Variants in PCLO observed in about 807,000 individuals in gnomAD.
PCLO encodes protein piccolo.
In PCLO, 82 loss-of-function variants were observed where a neutral mutation model predicts 427.5. The observed-to-expected ratio is 0.19, with a 90% CI of 0.16 to 0.23. The LOEUF (loss-of-function observed/expected upper bound fraction) is 0.23. PCLO is among the 10% of genes least tolerant of loss of function. The probability of loss-of-function intolerance (pLI) is 1.00; values close to 1 mark genes in which losing one functional copy is unlikely to be tolerated. For missense variants in PCLO, 6,239 were observed against 6,115.9 expected (o/e 1.02, Z -0.67); for synonymous variants, 2,357 against 2,155.4 (o/e 1.09, Z -2.59).
At chr7:82,958,742 T>C (rs1795589561) in intron 4 of PCLO, among the ~76,000 whole-genome samples, 1 of 152,194 alleles carries the variant, frequency 6.6e-6, no homozygotes, top group Non-Finnish European at 1.5e-5. Flanking sequence ...AGCACTTCAC[T>C]CATTTCAGCT....
chr7:82,946,058 T>A (rs964490497), intron 6 of PCLO, among the ~76,000 whole-genome samples: 1 of 152,214 alleles, frequency 6.6e-6, no homozygotes, highest in African/African-American at 2.4e-5. Flanking sequence ...GGCTTGCTAG[T>A]AGCTAAACAC....
At chr7:82,793,530 A>G (rs1470324796) in intron 22 of PCLO, among the ~76,000 whole-genome samples, 1 of 152,112 alleles carries the variant, frequency 6.6e-6, no homozygotes, top group African/African-American at 2.4e-5. Flanking sequence ...CCCTGGAAGT[A>G]TTGAATTAAT....
At chr7:82,907,789 C>A (rs981787966) in intron 8 of PCLO, among the ~76,000 whole-genome samples, 8 of 151,682 alleles carry the variant, frequency 5.3e-5, no homozygotes, top group African/African-American at 1.9e-4. Flanking sequence ...AAAAACAGAA[C>A]AAAATTCTAA....
At position 82,953,940 on chromosome 7, in the gene PCLO, G is replaced by T; in HGVS notation, c.7013C>A (p.Thr2338Asn). The T allele has an allele frequency of 6.2e-7, 1 of 1,613,902 alleles. No individual in the cohort carries two copies. Among genetic ancestry groups the T allele is most frequent in the Non-Finnish European group, 8.5e-7 (1 of 1,179,842 alleles). ...AGAAGAAGGTGGGTGATCAAACACG[G>T]TTTCGGATAAGCTACTTTTTGTTCG... Reference protein sequence around the residue: ...AERTKSSLSETVFDHPPSSVI... With the variant: ...AERTKSSLSENVFDHPPSSVI... The change falls in exon 5 of 25, where the codon ACC becomes AAC. Residue 2338 changes from threonine (T) to asparagine (N), a missense_variant. By Grantham distance (65) the Thr-to-Asn change is moderately conservative. Around this residue, in one of 5 missense-constraint regions of PCLO, gnomAD observed 4,677 missense variants for 4,468.4 expected, o/e 1.05. Transcript: ENST00000333891.
chr7:82,801,476 T>A, intron 22 of PCLO, 42 bp downstream of exon 22: 1 of 995,710 alleles, frequency 1.0e-6, no homozygotes, highest in Non-Finnish European at 1.6e-6. Flanking sequence ...TACTGTAGAA[T>A]GCAGATTCAG....
intron 3 of PCLO, among the ~76,000 whole-genome samples, chr7:83,057,350 T>A (rs11978210): frequency 3.4e-3 from 89 of 26,350 alleles, no homozygotes; most frequent in South Asian, 4.8e-3. Context: ...ATATATATAT[T>A]TTTTTTTTTT....
chr7:83,036,351 C>T (rs1220976228), intron 3 of PCLO, among the ~76,000 whole-genome samples: 3 of 152,038 alleles, frequency 2.0e-5, no homozygotes, highest in Admixed American at 6.6e-5. Context: ...GATGCTGATG[C>T]CTCACCTCTG....
intron 10 of PCLO, among the ~76,000 whole-genome samples, chr7:82,867,847 G>T (rs995326126): frequency 6.6e-6 from 1 of 152,144 alleles, no homozygotes; most frequent in Non-Finnish European, 1.5e-5. Context: ...ATAAAGAAGA[G>T]AAATATGTTT....
At chr7:82,852,455 C>A (rs1445111444) in intron 10 of PCLO, among the ~76,000 whole-genome samples, 1 of 152,064 alleles carries the variant, frequency 6.6e-6, no homozygotes, top group Non-Finnish European at 1.5e-5. Flanking sequence ...AGTCTTCCGG[C>A]CTTCATCTTT....
chr7:82,884,936 G>C (rs551623227), intron 9 of PCLO, among the ~76,000 whole-genome samples: 1 of 152,094 alleles, frequency 6.6e-6, no homozygotes, highest in African/African-American at 2.4e-5. Flanking sequence ...TATATAAAAT[G>C]TAAGTAGGAA....
rs1307946678 is a variant in PCLO, at chr7:82,805,852, A to G, written c.14792-23T>C. The G allele has an allele frequency of 8.8e-6, 14 of 1,584,288 alleles. 1 individual carries two copies. The highest frequency in any genetic ancestry group is 1.2e-5 in the Non-Finnish European group (14 of 1,164,764). ...TTGCTGCATGGTGTGGGAAGATTCA[A>G]CACCACAGTCAATAAATGAAGCTGA... On this transcript the variant is annotated intron_variant, in intron 20 of 24. Transcript: ENST00000333891.
chr7:83,036,532 G>A (rs1048300989), intron 3 of PCLO, among the ~76,000 whole-genome samples: 4 of 152,010 alleles, frequency 2.6e-5, no homozygotes, highest in Admixed American at 6.6e-5. Context: ...TTTTCTTATC[G>A]TAGAAGCAGT....
At chr7:83,039,203 TTTAAG>T (rs1275789650) in intron 3 of PCLO, among the ~76,000 whole-genome samples, 1 of 152,022 alleles carries the variant, frequency 6.6e-6, no homozygotes, top group East Asian at 1.9e-4. Flanking sequence ...ATGTGAATCA[TTTAAG>T]TTTTTAATTT....
chr7:82,916,069 T>C lies in PCLO; in HGVS notation c.11917A>G (p.Lys3973Glu). 6.2e-7 allele frequency: 1 copy of C among 1,613,462 alleles called. No homozygotes were observed. The highest frequency in any genetic ancestry group is 1.1e-5 in the South Asian group (1 of 91,084). Reference sequence around the variant, plus strand: ...ATCACTTCATAGTTTGAGGTTATCTTGGGCTCCAAATATAATGTAGTTTGC... The same window carrying C: ...ATCACTTCATAGTTTGAGGTTATCTCGGGCTCCAAATATAATGTAGTTTGC... ...PRQTTLYLEP[K>E]ITSNYEVIRN... is the part of the protein sequence containing the mutation. Residue 3973 changes from lysine to glutamate, a missense_variant, in exon 7 of 25, where the codon AAG becomes GAG. This residue lies in a region of PCLO where 680 missense variants were observed against 677.3 expected (regional missense o/e 1.00). Transcript: ENST00000333891.
At chr7:82,776,209 G>A (rs1049177017) in intron 22 of PCLO, among the ~76,000 whole-genome samples, 10 of 152,028 alleles carry the variant, frequency 6.6e-5, no homozygotes, top group Admixed American at 2.0e-4. Context: ...CCAATACTAC[G>A]TTAAATATTA....
At chr7:82,810,993 T>C (rs548438441) in intron 20 of PCLO, among the ~76,000 whole-genome samples, 1 of 151,830 alleles carries the variant, frequency 6.6e-6, no homozygotes, top group South Asian at 2.1e-4. Flanking sequence ...GGAATGTAAA[T>C]AGGTTGCTGT....
intron 3 of PCLO, among the ~76,000 whole-genome samples, chr7:83,014,464 C>A (rs1184725637): frequency 6.6e-6 from 1 of 151,970 alleles, no homozygotes; most frequent in Non-Finnish European, 1.5e-5. Flanking sequence ...AAAATCAATG[C>A]ATAATGGATC....
intron 9 of PCLO, chr7:82,879,849 C>A (rs1793460652): frequency 2.2e-6 from 1 of 453,726 alleles, no homozygotes; most frequent in Non-Finnish European, 4.4e-6. Flanking sequence ...AATGACTATT[C>A]CAAATTGAGA....
In PCLO at chr7:83,150,701, T is replaced by C. The variant is rs116112785; in HGVS notation, c.1893+4047A>G. On this transcript the variant is annotated intron_variant, in intron 2 of 24. Coordinates refer to ENST00000333891, the MANE Select transcript of PCLO (RefSeq NM_033026.6). ...CAAATATAGTCATAATTCTGATAGATTGGTAACAAAAAATATTAGAGAAAT... is the reference window on the plus strand; with the variant it reads ...CAAATATAGTCATAATTCTGATAGACTGGTAACAAAAAATATTAGAGAAAT... 3.6e-3 allele frequency among the ~76,000 whole-genome samples: 546 copies of C among 152,248 alleles called. 1 individual carries two copies. The highest frequency in any genetic ancestry group is 0.012 in the African/African-American group (499 of 41,544).
Sources: allele counts gnomAD v4.1 joint callset (sites outside exome capture counted in the v4.1 genomes callset), GRCh38; gene constraint gnomAD v4.1.1; regional missense constraint gnomAD v4.1.1; transcripts MANE v1.5; gene names NCBI Gene and HGNC (gene_info 2026-07-23, HGNC 2026-07-21).